The following AK8 variants were observed in gnomAD, a reference collection of about 807,000 sequenced individuals.
The protein encoded by AK8 is adenylate kinase 8.
In AK8, 44 loss-of-function variants were observed where a neutral mutation model predicts 54.6. The observed-to-expected ratio is 0.81, with a 90% confidence interval of 0.63 to 1.04. The LOEUF is 1.04. Among genes scored for constraint, AK8 ranks in the 50% least tolerant of loss-of-function variants. The pLI is 0.00. For synonymous variants in AK8, 239 were observed against 245.6 expected (o/e 0.97, Z 0.25); for missense variants, 555 against 613.6 (o/e 0.90, Z 1.01).
At chr9:132,750,366 G>A (rs941396879) in intron 11 of AK8, among the ~76,000 whole-genome samples, 3 of 151,828 alleles carry the variant, frequency 2.0e-5, no homozygotes, top group Non-Finnish European at 2.9e-5. Context: ...TGAGCCACCC[G>A]CCTTGGCCTC....
chr9:132,837,953 A>C lies in AK8; in HGVS notation c.403-9227T>G, dbSNP rs114232289. 4.6e-3 allele frequency among the ~76,000 whole-genome samples: 696 copies of C among 152,352 alleles called. 6 individuals carry two copies. The highest frequency in any genetic ancestry group is 0.015 in the African/African-American group (628 of 41,584). ...AACTGCATCTGTATTTGAGGAACACACAGCCAGGGCCTCAGCAGAGCTGTG... is the reference window on the plus strand; with the variant it reads ...AACTGCATCTGTATTTGAGGAACACCCAGCCAGGGCCTCAGCAGAGCTGTG... On this transcript the variant is annotated intron_variant, in intron 5 of 12. Transcript: ENST00000298545. The surrounding 1 kb of genome is among the most constrained non-coding windows in gnomAD (Gnocchi z 4.3).
chr9:132,846,489 T>C (rs185169125), intron 5 of AK8, among the ~76,000 whole-genome samples: 3 of 151,458 alleles, frequency 2.0e-5, no homozygotes, highest in East Asian at 1.9e-4. Context: ...AAGTGATTTG[T>C]TGCATGAGAG....
At chr9:132,806,629 CTT>C (rs1429211058) in intron 10 of AK8, among the ~76,000 whole-genome samples, 1 of 152,214 alleles carries the variant, frequency 6.6e-6, no homozygotes, top group Non-Finnish European at 1.5e-5. Context: ...CTCAGCAACT[CTT>C]TGCAAGTTTT....
intron 11 of AK8, among the ~76,000 whole-genome samples, chr9:132,772,909 C>G (rs1372346467): frequency 1.3e-5 from 2 of 152,188 alleles, no homozygotes; most frequent in East Asian, 1.9e-4. Context: ...CACCTCTCAC[C>G]TGGATTACTG....
At chr9:132,851,126 G>A (rs1381263043) in intron 5 of AK8, among the ~76,000 whole-genome samples, 1 of 152,224 alleles carries the variant, frequency 6.6e-6, no homozygotes, top group African/African-American at 2.4e-5. Context: ...GCAACCTGAA[G>A]GCTGAAAGTG....
chr9:132,854,235 A>T (rs572454518), intron 5 of AK8, among the ~76,000 whole-genome samples: 1 of 152,208 alleles, frequency 6.6e-6, no homozygotes, highest in Non-Finnish European at 1.5e-5. Flanking sequence ...TATATACATA[A>T]AATAAAATAA....
chr9:132,827,932 G>T, intron 7 of AK8, 81 bp downstream of exon 7: 1 of 1,415,414 alleles, frequency 7.1e-7, no homozygotes, highest in Non-Finnish European at 9.7e-7. Flanking sequence ...CAGAATGCGA[G>T]GTCAGGAAAT....
intron 5 of AK8, among the ~76,000 whole-genome samples, chr9:132,846,937 C>A (rs1055996035): frequency 7.9e-5 from 12 of 152,244 alleles, no homozygotes; most frequent in Non-Finnish European, 1.6e-4. Context: ...GGGCGTAGTG[C>A]CTGATGCCAG....
Position 132,799,646 on chromosome 9 carries a change from G to A in AK8, c.980-6871C>T, listed in dbSNP as rs997533156. On this transcript the variant is annotated intron_variant, in intron 10 of 12. Transcript: ENST00000298545. The surrounding 1 kb of genome is among the most constrained non-coding windows in gnomAD (Gnocchi z 5.0). Reference sequence around the variant, plus strand: ...CCCCCACACCCCTACACCCCACCACGTGCACAACACATACTGTATACCCAC... The same window carrying A: ...CCCCCACACCCCTACACCCCACCACATGCACAACACATACTGTATACCCAC... Among the ~76,000 whole-genome samples the A allele has an allele frequency of 4.0e-5, 6 of 151,112 alleles. No homozygotes were observed. In the East Asian group the frequency reaches 1.2e-3, roughly 29 times the overall value.
At position 132,785,730 on chromosome 9, in the gene AK8, T is replaced by A. The variant is rs150445543; in HGVS notation, c.1121+6904A>T. 2.0e-5 allele frequency among the ~76,000 whole-genome samples: 3 copies of A among 152,370 alleles called. No homozygotes were observed. The East Asian group carries it at 5.8e-4, about 29-fold the overall frequency. ...AAAAATATCAAACCCAATTTCATTC[T>A]GTCCACAGTGAAGACAACATCTACG... On this transcript the variant is annotated intron_variant, in intron 11 of 12. Coordinates refer to ENST00000298545, the MANE Select transcript of AK8 (RefSeq NM_152572.3).
At position 132,828,002 on chromosome 9, in the gene AK8, C is replaced by T. The variant is rs757916882; in HGVS notation, c.556+11G>A. The T allele has an allele frequency of 4.5e-6, 7 of 1,557,544 alleles. No individual in the cohort carries two copies. The highest frequency in any genetic ancestry group is 2.4e-5 in the East Asian group (1 of 41,806). The stretch of plus-strand genomic sequence containing the variant: ...CCCCATGGGGCTGGGTGGGGGTGGC[C>T]GTAGCCATACCTCCAGTTTGAGGGT... On this transcript the variant is annotated intron_variant, in intron 7 of 12. Coordinates refer to ENST00000298545, the MANE Select transcript of AK8 (RefSeq NM_152572.3).
chr9:132,768,508 C>A (rs938352566), intron 11 of AK8, among the ~76,000 whole-genome samples: 1 of 152,182 alleles, frequency 6.6e-6, no homozygotes, highest in East Asian at 1.9e-4. Flanking sequence ...CTCAGGTGAT[C>A]TGCCCACCTC....
intron 2 of AK8, among the ~76,000 whole-genome samples, chr9:132,867,476 C>T (rs907993784): frequency 1.6e-4 from 25 of 152,224 alleles, no homozygotes; most frequent in African/African-American, 5.8e-4. Context: ...CATTTCTATG[C>T]AAATGGAAAA....
chr9:132,742,169 CTTTTTTT>C (rs573195791), intron 11 of AK8, among the ~76,000 whole-genome samples: 1 of 126,618 alleles, frequency 7.9e-6, no homozygotes, highest in African/African-American at 3.0e-5. Context: ...TGGACTTGGA[CTTTTTTT>C]TTTTTTTTTT....
intron 11 of AK8, among the ~76,000 whole-genome samples, chr9:132,748,457 G>A (rs1463083416): frequency 6.6e-6 from 1 of 151,936 alleles, no homozygotes; most frequent in African/African-American, 2.4e-5. Flanking sequence ...GCTCAGGTGC[G>A]AGAGGGCTCA....
intron 10 of AK8, among the ~76,000 whole-genome samples, chr9:132,809,625 G>A (rs1840903065): frequency 6.6e-6 from 1 of 152,208 alleles, no homozygotes; most frequent in South Asian, 2.1e-4. Flanking sequence ...GGCCTCCAAA[G>A]GGCACGTTAA....
Position 132,841,819 on chromosome 9 carries a change from A to G in AK8, c.402+13038T>C, listed in dbSNP as rs188726859. 4.0e-3 allele frequency among the ~76,000 whole-genome samples: 609 copies of G among 152,318 alleles called. 4 individuals are homozygous for G. Among genetic ancestry groups the G allele is most frequent in the African/African-American group, 0.014 (574 of 41,556 alleles). The stretch of plus-strand genomic sequence containing the variant: ...ACATTTATTTAATGCTTTAAAATCA[A>G]GCACCCTGGCGCTTGATTCTTGTTA... On this transcript the variant is annotated intron_variant, in intron 5 of 12. Coordinates refer to ENST00000298545, the MANE Select transcript of AK8 (RefSeq NM_152572.3).
intron 9 of AK8, among the ~76,000 whole-genome samples, chr9:132,816,247 G>C (rs1841322157): frequency 6.6e-6 from 1 of 152,054 alleles, no homozygotes; most frequent in Non-Finnish European, 1.5e-5. Flanking sequence ...CCAGCTACTT[G>C]GGAGGCTGAG....
At chr9:132,797,886 G>A (rs1025046590) in intron 10 of AK8, among the ~76,000 whole-genome samples, 3 of 152,202 alleles carry the variant, frequency 2.0e-5, no homozygotes, top group African/African-American at 4.8e-5. Flanking sequence ...CACCAGTTCC[G>A]GAAGCTCTGC....
Sources: gnomAD v4.1 joint callset for allele counts (sites outside exome capture counted in the v4.1 genomes callset) on GRCh38, gnomAD v4.1.1 for gene constraint, Gnocchi (gnomAD v3.1) non-coding constraint, MANE v1.5 for transcripts, NCBI Gene and HGNC (gene_info 2026-07-23, HGNC 2026-07-21) for gene names.